The following NKAIN2 variants were observed in gnomAD, a reference collection of about 807,000 sequenced individuals.
The protein encoded by NKAIN2 is sodium/potassium-transporting ATPase subunit beta-1-interacting protein 2.
In NKAIN2, 14 loss-of-function variants were observed where a neutral mutation model predicts 32.6. The observed-to-expected ratio is 0.43, with a 90% CI of 0.28 to 0.67. The LOEUF is 0.67. Ranked by LOEUF, NKAIN2 falls within the 30% of genes least tolerant of loss-of-function variation. The pLI is 0.17. For missense variants in NKAIN2, 198 were observed against 258.3 expected, an observed-to-expected ratio of 0.77 and a Z score of 1.60; for synonymous variants, 80 against 87.2, an observed-to-expected ratio of 0.92 and a Z score of 0.46.
chr6:124,516,702 T>A (rs1778928482), intron 3 of NKAIN2, among the ~76,000 whole-genome samples: 1 of 152,170 alleles, frequency 6.6e-6, no homozygotes, highest in African/African-American at 2.4e-5. Flanking sequence ...CTGTGTATCT[T>A]AATGAGACCT....
intron 1 of NKAIN2, among the ~76,000 whole-genome samples, chr6:124,216,117 C>CAAA (rs1199794463): frequency 9.4e-5 from 6 of 63,894 alleles, no homozygotes; most frequent in South Asian, 5.6e-4. Context: ...AACTCTGTCT[C>CAAA]AAAAAAAAAA....
chr6:124,197,471 C>T (rs964980679), intron 1 of NKAIN2, among the ~76,000 whole-genome samples: 2 of 152,052 alleles, frequency 1.3e-5, no homozygotes, highest in Non-Finnish European at 2.9e-5. Context: ...GAAAAGTTAT[C>T]GTTTTATAGA....
intron 3 of NKAIN2, among the ~76,000 whole-genome samples, chr6:124,598,971 T>C (rs570308812): frequency 7.9e-5 from 12 of 151,938 alleles, no homozygotes; most frequent in Middle Eastern, 3.4e-3. Flanking sequence ...TTAAGGGTAC[T>C]AATATTCCAA....
At chr6:124,350,341 A>G (rs1039699840) in intron 2 of NKAIN2, among the ~76,000 whole-genome samples, 1 of 152,216 alleles carries the variant, frequency 6.6e-6, no homozygotes, top group South Asian at 2.1e-4. Flanking sequence ...AATCTCCATC[A>G]ATGTTTAGGC....
intron 4 of NKAIN2, among the ~76,000 whole-genome samples, chr6:124,699,247 G>GCTA (rs1774648493): frequency 6.6e-6 from 1 of 152,172 alleles, no homozygotes; most frequent in Non-Finnish European, 1.5e-5. Context: ...CACAGTTGAT[G>GCTA]CTAGCCATTG....
chr6:123,904,336 A>T (rs912917603), intron 1 of NKAIN2, among the ~76,000 whole-genome samples: 3 of 152,218 alleles, frequency 2.0e-5, no homozygotes, highest in African/African-American at 7.2e-5. Flanking sequence ...CCATAATGGA[A>T]GTCTATAAAA....
chr6:124,693,962 A>C (rs1774374563), intron 4 of NKAIN2, among the ~76,000 whole-genome samples: 1 of 152,212 alleles, frequency 6.6e-6, no homozygotes, highest in Non-Finnish European at 1.5e-5. Flanking sequence ...AGAAAAATAA[A>C]GGTCCATTTT....
chr6:123,885,610 C>T (rs1323189786), intron 1 of NKAIN2, among the ~76,000 whole-genome samples: 1 of 151,902 alleles, frequency 6.6e-6, no homozygotes, highest in Non-Finnish European at 1.5e-5. Flanking sequence ...TTAGGAATTA[C>T]CCTAAATTTT....
At chr6:124,513,082 A>G (rs1432667022) in intron 3 of NKAIN2, among the ~76,000 whole-genome samples, 1 of 152,182 alleles carries the variant, frequency 6.6e-6, no homozygotes, top group Non-Finnish European at 1.5e-5. Flanking sequence ...AATCAGTGGA[A>G]AAGACTCACG....
intron 5 of NKAIN2, among the ~76,000 whole-genome samples, chr6:124,793,559 T>G (rs1326859644): frequency 6.6e-6 from 1 of 152,024 alleles, no homozygotes; most frequent in Non-Finnish European, 1.5e-5. Context: ...CCAGTGCATT[T>G]TTATCTTCAG....
chr6:124,451,965 T>C (rs1776125876), intron 3 of NKAIN2, among the ~76,000 whole-genome samples: 1 of 151,912 alleles, frequency 6.6e-6, no homozygotes, highest in African/African-American at 2.4e-5. Context: ...GAGGCCAAGG[T>C]GGGCAGATCA....
intron 1 of NKAIN2, among the ~76,000 whole-genome samples, chr6:123,974,700 G>C (rs951853073): frequency 6.6e-6 from 1 of 152,166 alleles, no homozygotes; most frequent in Non-Finnish European, 1.5e-5. Flanking sequence ...CTAACACAGA[G>C]GGAAGATTAT....
intron 3 of NKAIN2, among the ~76,000 whole-genome samples, chr6:124,436,430 G>C (rs964119984): frequency 6.6e-6 from 1 of 152,076 alleles, no homozygotes; most frequent in Non-Finnish European, 1.5e-5. Flanking sequence ...CCGTGTTTTT[G>C]ATTCATGAAC....
chr6:124,259,740 G>A (rs1463856153), intron 1 of NKAIN2, among the ~76,000 whole-genome samples: 3 of 152,130 alleles, frequency 2.0e-5, no homozygotes, highest in South Asian at 4.2e-4. Context: ...GTCTCTGAAG[G>A]CTACTGATGC....
At chr6:124,551,547 G>C (rs1465785770) in intron 3 of NKAIN2, among the ~76,000 whole-genome samples, 1 of 151,984 alleles carries the variant, frequency 6.6e-6, no homozygotes, top group Non-Finnish European at 1.5e-5. Flanking sequence ...GGGAACATCT[G>C]ATAATTTCTT....
At chr6:124,036,199 T>TA (rs1289533226) in intron 1 of NKAIN2, among the ~76,000 whole-genome samples, 2 of 152,122 alleles carry the variant, frequency 1.3e-5, no homozygotes, top group Admixed American at 1.3e-4. Flanking sequence ...GATTTTCAGG[T>TA]AAAAAATCTT....
chr6:123,889,932 AT>A (rs1274514232), intron 1 of NKAIN2, among the ~76,000 whole-genome samples: 1 of 152,052 alleles, frequency 6.6e-6, no homozygotes, highest in Non-Finnish European at 1.5e-5. Context: ...TTTTTTAGTT[AT>A]TTGTAAGCCA....
chr6:123,865,843 TGA>T (rs1775960814), intron 1 of NKAIN2, among the ~76,000 whole-genome samples: 1 of 152,154 alleles, frequency 6.6e-6, no homozygotes, highest in Admixed American at 6.5e-5. Flanking sequence ...TAATTTGTAA[TGA>T]GAGAAAAAGA....
intron 3 of NKAIN2, among the ~76,000 whole-genome samples, chr6:124,607,647 A>G (rs778508649): frequency 3.3e-5 from 5 of 151,990 alleles, no homozygotes; most frequent in East Asian, 1.9e-4. Flanking sequence ...AAACTTATCC[A>G]TCTTCGTTAT....
Sources: gnomAD v4.1 joint callset for allele counts (sites outside exome capture counted in the v4.1 genomes callset) on GRCh38, gnomAD v4.1.1 for gene constraint, MANE v1.5 for transcripts, NCBI Gene and HGNC (gene_info 2026-07-23, HGNC 2026-07-21) for gene names.